The following PEBP4 variants were observed in gnomAD, a reference collection of about 807,000 sequenced individuals.
PEBP4 encodes the protein phosphatidylethanolamine-binding protein 4.
A neutral mutation model predicts 23.9 loss-of-function variants in PEBP4; 22 were observed. The observed-to-expected ratio is 0.92, with a 90% confidence interval of 0.66 to 1.31. The LOEUF is 1.31. Among genes scored for constraint, PEBP4 ranks in the 40% most tolerant of loss-of-function variants. PEBP4 has a pLI of 0.00. For missense variants in PEBP4, 324 were observed against 281.7 expected (o/e 1.15, Z -1.07); for synonymous variants, 112 against 99.3 (o/e 1.13, Z -0.76).
At chr8:22,893,482 G>A (rs1274807663) in intron 3 of PEBP4, among the ~76,000 whole-genome samples, 1 of 152,068 alleles carries the variant, frequency 6.6e-6, no homozygotes, top group Non-Finnish European at 1.5e-5. Context: ...GAAATAGACT[G>A]GGAAATGATA....
intron 4 of PEBP4, among the ~76,000 whole-genome samples, chr8:22,752,148 G>A (rs769556486): frequency 6.6e-6 from 1 of 152,100 alleles, no homozygotes; most frequent in Non-Finnish European, 1.5e-5. Flanking sequence ...GCCTCAAGCA[G>A]TCCTCCCACC....
intron 6 of PEBP4, among the ~76,000 whole-genome samples, chr8:22,715,784 G>A (rs927059835): frequency 2.0e-5 from 3 of 152,184 alleles, no homozygotes; most frequent in Non-Finnish European, 2.9e-5. Context: ...TGGCTTGGCC[G>A]CAACTCCTTA....
intron 4 of PEBP4, among the ~76,000 whole-genome samples, chr8:22,782,219 T>C (rs1380665505): frequency 6.6e-6 from 1 of 152,156 alleles, no homozygotes; most frequent in Non-Finnish European, 1.5e-5. Flanking sequence ...CACTCCCCTT[T>C]AAAAGGCCAC....
intron 4 of PEBP4, among the ~76,000 whole-genome samples, chr8:22,762,574 G>A (rs1452901189): frequency 6.6e-6 from 1 of 152,152 alleles, no homozygotes; most frequent in Non-Finnish European, 1.5e-5. Context: ...CCCTGGGGAT[G>A]GATGATATTG....
At chr8:22,836,352 G>A (rs1405607659) in intron 3 of PEBP4, among the ~76,000 whole-genome samples, 1 of 152,212 alleles carries the variant, frequency 6.6e-6, no homozygotes, top group Non-Finnish European at 1.5e-5. Context: ...AGGGTAGAGG[G>A]ACAGATTTGG....
chr8:22,827,584 T>A (rs1424842369), intron 3 of PEBP4, among the ~76,000 whole-genome samples: 1 of 152,260 alleles, frequency 6.6e-6, no homozygotes, highest in Non-Finnish European at 1.5e-5. Flanking sequence ...CATTCCTTTT[T>A]ATTGTTGAAT....
chr8:22,841,072 G>A (rs960704723), intron 3 of PEBP4, among the ~76,000 whole-genome samples: 7 of 152,176 alleles, frequency 4.6e-5, no homozygotes, highest in South Asian at 4.1e-4. Flanking sequence ...ATCCCCTGAC[G>A]CATTTTATTC....
intron 2 of PEBP4, among the ~76,000 whole-genome samples, chr8:22,924,358 G>A (rs1369369824): frequency 6.6e-6 from 1 of 152,146 alleles, no homozygotes; most frequent in African/African-American, 2.4e-5. Context: ...ACAAGACTCT[G>A]TCTCTAAAAG....
chr8:22,913,135 G>A (rs558197325), intron 3 of PEBP4, among the ~76,000 whole-genome samples: 3 of 152,296 alleles, frequency 2.0e-5, no homozygotes, highest in Admixed American at 2.0e-4. Flanking sequence ...TTAGGTGCTC[G>A]GCACCAAATA....
At chr8:22,784,448 C>G (rs541576924) in intron 4 of PEBP4, among the ~76,000 whole-genome samples, 1 of 152,334 alleles carries the variant, frequency 6.6e-6, no homozygotes, top group South Asian at 2.1e-4. Context: ...TTGAAGGAAA[C>G]TGAGGCAATG....
chr8:22,713,779 C>A (rs1804357446), intron 6 of PEBP4, among the ~76,000 whole-genome samples: 1 of 152,224 alleles, frequency 6.6e-6, no homozygotes, highest in Admixed American at 6.5e-5. Context: ...ACTGAGAGCC[C>A]AGCCCCAGTT....
chr8:22,911,768 A>G (rs1338694837), intron 3 of PEBP4, among the ~76,000 whole-genome samples: 1 of 152,224 alleles, frequency 6.6e-6, no homozygotes, highest in Non-Finnish European at 1.5e-5. Context: ...ACGCTTGTTC[A>G]ATGCCTTTAA....
chr8:22,807,771 T>C (rs140035985), intron 4 of PEBP4, among the ~76,000 whole-genome samples: 8 of 152,198 alleles, frequency 5.3e-5, no homozygotes, highest in African/African-American at 1.9e-4. Context: ...CATCCATATA[T>C]CTGTCCACCT....
In PEBP4 at chr8:22,817,644, T is replaced by G; in HGVS notation, c.350A>C (p.Asp117Ala). The G allele has an allele frequency of 6.2e-7, 1 of 1,614,006 alleles. No individual in the cohort carries two copies. The highest frequency in any genetic ancestry group is 8.5e-7 in the Non-Finnish European group (1 of 1,179,860). ...QRFWRHWLVT[D>A]IKGADLKKGK... ...GCCTCTTGGCCTGCTTACCTTGATA[T>G]CTGTTACCAGCCAATGTCTCCAGAA... Residue 117 changes from aspartate (D) to alanine (A), a missense_variant, in exon 4 of 7, where the codon GAT (aspartate) becomes GCT (alanine). Coordinates refer to ENST00000256404, the MANE Select transcript of PEBP4 (RefSeq NM_144962.3).
intron 4 of PEBP4, among the ~76,000 whole-genome samples, chr8:22,809,611 C>T (rs533232812): frequency 3.3e-5 from 5 of 152,224 alleles, no homozygotes; most frequent in African/African-American, 1.2e-4. Flanking sequence ...CCACTCTGGG[C>T]CTCAATTTCT....
At chr8:22,796,437 C>T (rs930975991) in intron 4 of PEBP4, among the ~76,000 whole-genome samples, 13 of 152,140 alleles carry the variant, frequency 8.5e-5, no homozygotes, top group East Asian at 1.9e-4. Context: ...TTAAGTTGAG[C>T]GGAATTGTCT....
chr8:22,891,072 C>T (rs904277539), intron 3 of PEBP4, among the ~76,000 whole-genome samples: 8 of 152,172 alleles, frequency 5.3e-5, no homozygotes, highest in African/African-American at 1.9e-4. Context: ...TCATGATCTG[C>T]CCACCTCAGC....
intron 3 of PEBP4, among the ~76,000 whole-genome samples, chr8:22,823,781 T>C (rs1302853988): frequency 6.6e-6 from 1 of 152,052 alleles, no homozygotes; most frequent in African/African-American, 2.4e-5. Context: ...TACAAAGTAC[T>C]CTTTAAATCC....
intron 4 of PEBP4, among the ~76,000 whole-genome samples, chr8:22,803,393 C>T (rs1417135957): frequency 2.0e-5 from 3 of 152,122 alleles, no homozygotes; most frequent in Non-Finnish European, 4.4e-5. Context: ...TCTGGCTGGG[C>T]ACGGTGGCTC....
Sources: allele counts gnomAD v4.1 joint callset (sites outside exome capture counted in the v4.1 genomes callset), GRCh38; gene constraint gnomAD v4.1.1; transcripts MANE v1.5; gene names NCBI Gene and HGNC (gene_info 2026-07-23, HGNC 2026-07-21).